The following SIRPD variants were observed in gnomAD, a reference collection of about 807,000 sequenced individuals.
The protein encoded by SIRPD is signal regulatory protein delta.
A neutral mutation model predicts 18.0 loss-of-function variants in SIRPD; 21 were observed. The observed-to-expected ratio is 1.17, with a 90% CI of 0.83 to 1.68. The LOEUF is 1.68. SIRPD is among the 40% of genes most tolerant of loss of function. SIRPD has a pLI of 0.00. For synonymous variants in SIRPD, 106 were observed against 92.9 expected (o/e 1.14, Z -0.81); for missense variants, 295 against 238.4 (o/e 1.24, Z -1.56).
intron 3 of SIRPD, among the ~76,000 whole-genome samples, chr20:1,536,160 T>C (rs990206305): frequency 2.0e-5 from 3 of 152,204 alleles, no homozygotes; most frequent in Admixed American, 6.5e-5. Flanking sequence ...TTTGCACTTA[T>C]TAAGCCCTAA....
At chr20:1,556,018 C>A (rs901763548) in intron 1 of SIRPD, among the ~76,000 whole-genome samples, 1 of 152,182 alleles carries the variant, frequency 6.6e-6, no homozygotes, top group Non-Finnish European at 1.5e-5. Context: ...AGGGGCTTCC[C>A]TCAGTTCATT....
intron 1 of SIRPD, among the ~76,000 whole-genome samples, chr20:1,555,657 T>C (rs2091037214): frequency 6.6e-6 from 1 of 152,202 alleles, no homozygotes; most frequent in Admixed American, 6.6e-5. Context: ...ACCATCAAGT[T>C]GTACACCTTT....
At chr20:1,549,044 C>G (rs1008284574) in intron 2 of SIRPD, among the ~76,000 whole-genome samples, 3 of 151,786 alleles carry the variant, frequency 2.0e-5, no homozygotes, top group African/African-American at 7.3e-5. Context: ...TTTAATTTTT[C>G]TCTGTTCTTC....
At chr20:1,551,141 AG>A (rs1275710009) in intron 2 of SIRPD, among the ~76,000 whole-genome samples, 12 of 152,342 alleles carry the variant, frequency 7.9e-5, no homozygotes, top group Non-Finnish European at 1.3e-4. Flanking sequence ...TCCAGAGGTG[AG>A]ATTGGAACAA....
At chr20:1,549,008 T>A (rs1297014428) in intron 2 of SIRPD, among the ~76,000 whole-genome samples, 1 of 152,194 alleles carries the variant, frequency 6.6e-6, no homozygotes, top group Admixed American at 6.5e-5. Context: ...TCTGAGGCTC[T>A]GTTCATTTTT....
Position 1,551,927 on chromosome 20 carries a change from A to T in SIRPD, c.185T>A (p.Val62Asp). 1 of 1,614,142 alleles carries T rather than the reference A, an allele frequency of 6.2e-7. No individual in the cohort carries two copies. The highest frequency in any genetic ancestry group is 8.5e-7 in the Non-Finnish European group (1 of 1,180,000). Residue 62 changes from valine (V) to aspartate (D), a missense_variant, in exon 2 of 4, where the codon GTC becomes GAC. Transcript: ENST00000381623. ...TGGCCCTGTTCCCTTGAACCACAAG[A>T]CAGGTCCATTTGGTAAGGTATTGGG... is the stretch of plus-strand genomic sequence containing the variant. Reference protein sequence around the residue: ...SVPNTLPNGPVLWFKGTGPNR... With the variant: ...SVPNTLPNGPDLWFKGTGPNR...
At chr20:1,539,863 G>A (rs183813636) in intron 2 of SIRPD, among the ~76,000 whole-genome samples, 49 of 152,334 alleles carry the variant, frequency 3.2e-4, no homozygotes, top group African/African-American at 1.2e-3. Context: ...AGCCATGGGA[G>A]TGAGCTTGAA....
At chr20:1,549,520 C>T (rs2091009156) in intron 2 of SIRPD, among the ~76,000 whole-genome samples, 1 of 151,816 alleles carries the variant, frequency 6.6e-6, no homozygotes. Flanking sequence ...TTGTTATTGT[C>T]ATCTGCTTGT....
intron 2 of SIRPD, among the ~76,000 whole-genome samples, chr20:1,542,958 C>A (rs571232343): frequency 5.9e-5 from 9 of 152,264 alleles, no homozygotes; most frequent in African/African-American, 1.7e-4. Context: ...GTTGAACCAG[C>A]CTTGCATCCC....
chr20:1,550,222 T>C (rs1164543793), intron 2 of SIRPD, among the ~76,000 whole-genome samples: 3 of 152,228 alleles, frequency 2.0e-5, no homozygotes, highest in Admixed American at 2.0e-4. Context: ...TATTTTGTTT[T>C]CAACCTGCTT....
At position 1,557,594 on chromosome 20, in the gene SIRPD, C is replaced by T. The variant is rs1024655232; in HGVS notation, c.60G>A (p.Leu20=). The T allele has an allele frequency of 3.8e-6, 6 of 1,581,354 alleles. No homozygotes were observed. Among genetic ancestry groups the T allele is most frequent in the Non-Finnish European group, 5.2e-6 (6 of 1,163,890 alleles). ...PPLPSLLLYL[L]LELAGVTHVF... ...GGCCCCACTCACCTGCCAGTTCAAG[C>T]AGCAGATACAGCAGTAAGGAAGGCA... The change falls in exon 1 of 4, where the codon CTG becomes CTA. Residue 20 remains leucine, a synonymous_variant. Transcript: ENST00000381623.
intron 2 of SIRPD, among the ~76,000 whole-genome samples, chr20:1,542,509 A>G (rs931496022): frequency 6.6e-6 from 1 of 152,206 alleles, no homozygotes; most frequent in African/African-American, 2.4e-5. Flanking sequence ...ACTTTGTCGA[A>G]TTTGCTTATT....
At chr20:1,551,670 G>T (rs992859968) in intron 2 of SIRPD, 21 bp downstream of exon 2, 13 of 1,570,268 alleles carry the variant, frequency 8.3e-6, no homozygotes, top group Non-Finnish European at 1.1e-5. Context: ...AGGGGGTATG[G>T]GGTATAGGAG....
intron 2 of SIRPD, among the ~76,000 whole-genome samples, chr20:1,550,493 A>G (rs796191310): frequency 1.7e-4 from 26 of 152,332 alleles, no homozygotes; most frequent in African/African-American, 6.0e-4. Flanking sequence ...AGCCATGAAG[A>G]GATGAGAGAA....
chr20:1,539,782 A>G (rs1212964785), intron 2 of SIRPD, among the ~76,000 whole-genome samples: 2 of 152,148 alleles, frequency 1.3e-5, no homozygotes, highest in Non-Finnish European at 2.9e-5. Flanking sequence ...GAGCTGTCCT[A>G]TGGAGAAGCC....
chr20:1,554,430 A>T (rs1442778804), intron 1 of SIRPD: 2 of 152,572 alleles, frequency 1.3e-5, no homozygotes, highest in Non-Finnish European at 2.9e-5. Context: ...CAGTCATATA[A>T]AAATTACAAT....
chr20:1,548,579 T>C (rs1217053408), intron 2 of SIRPD, among the ~76,000 whole-genome samples: 1 of 152,158 alleles, frequency 6.6e-6, no homozygotes, highest in Non-Finnish European at 1.5e-5. Flanking sequence ...TTTTTTCTTG[T>C]GATGTCTTTG....
At chr20:1,549,540 G>C (rs1478433641) in intron 2 of SIRPD, among the ~76,000 whole-genome samples, 2 of 151,794 alleles carry the variant, frequency 1.3e-5, no homozygotes, top group African/African-American at 4.8e-5. Context: ...TACAGTTGTT[G>C]AGTGACTGGA....
chr20:1,555,188 T>G (rs762401939), intron 1 of SIRPD, among the ~76,000 whole-genome samples: 4 of 152,176 alleles, frequency 2.6e-5, no homozygotes, highest in Non-Finnish European at 5.9e-5. Context: ...TATGACACCA[T>G]GGATATTATG....
Sources: gnomAD v4.1 joint callset for allele counts (sites outside exome capture counted in the v4.1 genomes callset) on GRCh38, gnomAD v4.1.1 for gene constraint, MANE v1.5 for transcripts, NCBI Gene and HGNC (gene_info 2026-07-23, HGNC 2026-07-21) for gene names.